Variants in TFEC observed in about 807,000 individuals in gnomAD.
The protein encoded by TFEC is class E basic helix-loop-helix protein 34.
TFEC carries 31 observed loss-of-function variants against 41.6 expected under a neutral mutation model. The ratio of observed to expected loss-of-function variants is 0.74; its 90% CI spans 0.56 to 1.01. The LOEUF (loss-of-function observed/expected upper bound fraction) is 1.01, where lower values mean the gene tolerates loss of function less well. Ranked by LOEUF, TFEC falls within the 50% of genes least tolerant of loss-of-function variation. TFEC has a pLI of 0.00. For missense variants in TFEC, 402 were observed against 404.1 expected (o/e 0.99, Z 0.04); for synonymous variants, 143 against 140.6 (o/e 1.02, Z -0.12).
At chr7:116,023,113 T>C (rs1795462395) in intron 1 of TFEC, among the ~76,000 whole-genome samples, 1 of 151,954 alleles carries the variant, frequency 6.6e-6, no homozygotes, top group Non-Finnish European at 1.5e-5. Context: ...GTTTATATTG[T>C]AAGTTCATGA....
At chr7:116,006,073 T>C (rs970542941) in intron 1 of TFEC, among the ~76,000 whole-genome samples, 4 of 152,228 alleles carry the variant, frequency 2.6e-5, no homozygotes, top group African/African-American at 9.6e-5. Context: ...AATGCCTGAA[T>C]GCCCAGGCAG....
rs1372709024 is a variant in TFEC at position 115,939,810 on chromosome 7, TC to T, written c.*740del. On this transcript the variant is annotated 3_prime_UTR_variant, in exon 8 of 8. Coordinates refer to ENST00000265440, the MANE Select transcript of TFEC (RefSeq NM_012252.4). The stretch of plus-strand genomic sequence containing the variant: ...TTTGTGTGAAGGGATACAATTCTGG[TC>T]CATATTCCTGAGGAAAATATTCAAT... 2 of 152,014 alleles carry T rather than the reference TC, an allele frequency of 1.3e-5. No individual in the cohort carries two copies. The highest frequency in any genetic ancestry group is 2.9e-5 in the Non-Finnish European group (2 of 67,982). 9.4% of individuals were successfully genotyped at this position (152,014 alleles called of 1,614,324 possible). A position where few individuals can be genotyped will look rare whatever the true frequency, so the allele number is the denominator to read the frequency against.
chr7:116,004,146 G>A (rs1369142826), intron 1 of TFEC, among the ~76,000 whole-genome samples: 1 of 151,948 alleles, frequency 6.6e-6, no homozygotes, highest in South Asian at 2.1e-4. Context: ...AATCAATAAA[G>A]TTGAAAACAG....
intron 3 of TFEC, among the ~76,000 whole-genome samples, chr7:115,964,241 A>G (rs1792726508): frequency 6.6e-6 from 1 of 151,646 alleles, no homozygotes; most frequent in African/African-American, 2.4e-5. Flanking sequence ...ATTACTGAAG[A>G]ATCAAAAGGT....
At chr7:116,150,397 G>T (rs1045246255) in intron 1 of TFEC, among the ~76,000 whole-genome samples, 4 of 151,912 alleles carry the variant, frequency 2.6e-5, no homozygotes, top group Non-Finnish European at 5.9e-5. Context: ...AGAATTCAGG[G>T]AATAAATTGC....
intron 2 of TFEC, among the ~76,000 whole-genome samples, chr7:116,111,500 C>T (rs1381964893): frequency 6.6e-6 from 1 of 151,974 alleles, no homozygotes; most frequent in Non-Finnish European, 1.5e-5. Context: ...GAGAAACAAA[C>T]ACAAAATAGG....
intron 1 of TFEC, among the ~76,000 whole-genome samples, chr7:115,987,988 T>G (rs1443229622): frequency 6.6e-6 from 1 of 152,188 alleles, no homozygotes; most frequent in Non-Finnish European, 1.5e-5. Flanking sequence ...TTTTTGGTTT[T>G]TAAAACAATA....
intron 1 of TFEC, among the ~76,000 whole-genome samples, chr7:116,026,487 A>T (rs150167042): frequency 3.1e-4 from 47 of 152,296 alleles, no homozygotes; most frequent in African/African-American, 1.1e-3. Flanking sequence ...CGCACCAGGT[A>T]CACTCCTCCT....
At chr7:116,086,288 T>A (rs932300637) in intron 3 of TFEC, among the ~76,000 whole-genome samples, 1 of 151,876 alleles carries the variant, frequency 6.6e-6, no homozygotes. Context: ...AAACTAAATA[T>A]TCATCCCTGT....
At chr7:116,092,057 C>CT (rs1161045141) in intron 3 of TFEC, among the ~76,000 whole-genome samples, 1 of 152,086 alleles carries the variant, frequency 6.6e-6, no homozygotes, top group Non-Finnish European at 1.5e-5. Context: ...GAAACACTGT[C>CT]CGACCTTTGT....
At chr7:116,065,269 G>A (rs189780792) in intron 3 of TFEC, among the ~76,000 whole-genome samples, 1 of 152,184 alleles carries the variant, frequency 6.6e-6, no homozygotes, top group Admixed American at 6.6e-5. Context: ...ATGAACCTCT[G>A]ATTCTTAAAT....
At chr7:116,008,041 C>G (rs190526298) in intron 1 of TFEC, among the ~76,000 whole-genome samples, 18 of 152,202 alleles carry the variant, frequency 1.2e-4, no homozygotes, top group Non-Finnish European at 1.3e-4. Context: ...ATGTCACCAC[C>G]CACCTGGAGA....
intron 3 of TFEC, among the ~76,000 whole-genome samples, chr7:116,066,737 C>G (rs1796703247): frequency 1.3e-5 from 2 of 151,968 alleles, no homozygotes; most frequent in Middle Eastern, 3.2e-3. Flanking sequence ...GAATATAGAA[C>G]ACAGGATTAT....
chr7:116,093,781 A>T (rs1797384008), intron 3 of TFEC, among the ~76,000 whole-genome samples: 1 of 152,208 alleles, frequency 6.6e-6, no homozygotes, highest in African/African-American at 2.4e-5. Flanking sequence ...ATATATTCAT[A>T]GGTGGATATA....
intron 1 of TFEC, among the ~76,000 whole-genome samples, chr7:116,014,002 G>T (rs1445867204): frequency 1.3e-5 from 2 of 152,036 alleles, no homozygotes; most frequent in Non-Finnish European, 2.9e-5. Context: ...TCTTTTAGGT[G>T]CTTTCTTCCA....
Position 115,939,741 on chromosome 7 carries a change from A to G in TFEC, c.*810T>C, listed in dbSNP as rs1793394533. On this transcript the variant is annotated 3_prime_UTR_variant, in exon 8 of 8. Transcript: ENST00000265440. ...CAGTCAGAAGCATGAAGAAAACAAA[A>G]GAACATATACTACCTGAATGATGTG... The G allele has an allele frequency of 6.6e-6, 1 of 152,064 alleles. No individual in the cohort carries two copies. Among genetic ancestry groups the G allele is most frequent in the South Asian group, 2.1e-4 (1 of 4,828 alleles). 9.4% of individuals were successfully genotyped at this position (152,064 alleles called of 1,614,324 possible).
At position 115,940,767 on chromosome 7, in the gene TFEC, A is replaced by C; in HGVS notation, c.828T>G (p.Cys276Trp). Reference sequence around the variant, plus strand: ...GATCAGAAAAGGCTATAGCTTGATCACAGAGCTCAGGGCTTGGCCCCTGAG... The same window carrying C: ...GATCAGAAAAGGCTATAGCTTGATCCCAGAGCTCAGGGCTTGGCCCCTGAG... ...TVSQGPSPEL[C>W]DQAIAFSDPL... Residue 276 changes from cysteine (C) to tryptophan (W), a missense_variant, in exon 8 of 8, where the codon TGT becomes TGG. Coordinates refer to ENST00000265440, the MANE Select transcript of TFEC (RefSeq NM_012252.4). The C allele has an allele frequency of 6.2e-7, 1 of 1,613,530 alleles. No individual in the cohort carries two copies. Among genetic ancestry groups the C allele is most frequent in the Non-Finnish European group, 8.5e-7 (1 of 1,179,648 alleles).
chr7:116,097,527 G>C (rs1797495058), intron 3 of TFEC, among the ~76,000 whole-genome samples: 1 of 152,128 alleles, frequency 6.6e-6, no homozygotes, highest in Admixed American at 6.5e-5. Flanking sequence ...AAGTTAATCT[G>C]ATAACGAAAA....
intron 7 of TFEC, 53 bp downstream of exon 7, chr7:115,941,840 A>G (rs770435103): frequency 1.3e-6 from 2 of 1,500,956 alleles, no homozygotes; most frequent in South Asian, 1.4e-5. Flanking sequence ...AAAACTGATG[A>G]CAGCTGAGTC....
Sources: gnomAD v4.1 joint callset for allele counts (sites outside exome capture counted in the v4.1 genomes callset) on GRCh38, gnomAD v4.1.1 for gene constraint, MANE v1.5 for transcripts, NCBI Gene and HGNC (gene_info 2026-07-23, HGNC 2026-07-21) for gene names.